Variants in MAP3K21 observed in about 807,000 individuals in gnomAD.
MAP3K21 encodes the protein mitogen-activated protein kinase kinase kinase MLK4.
In MAP3K21, 63 loss-of-function variants were observed where a neutral mutation model predicts 86.1. The ratio of observed to expected loss-of-function variants is 0.73; its 90% confidence interval spans 0.60 to 0.90. The LOEUF (loss-of-function observed/expected upper bound fraction) is 0.90. Ranked by LOEUF, MAP3K21 falls within the 40% of genes least tolerant of loss-of-function variation. The pLI is 0.00. For synonymous variants in MAP3K21, 558 were observed against 564.8 expected (o/e 0.99, Z 0.17); for missense variants, 1,220 against 1,367.7 (o/e 0.89, Z 1.70).
At chr1:233,371,552 G>A (rs1473849692) in intron 5 of MAP3K21, among the ~76,000 whole-genome samples, 3 of 152,078 alleles carry the variant, frequency 2.0e-5, no homozygotes, top group Admixed American at 1.3e-4. Context: ...TAGAGATGGG[G>A]TTTTGCCATG....
At chr1:233,368,580 G>A (rs1440332892) in intron 5 of MAP3K21, among the ~76,000 whole-genome samples, 2 of 151,920 alleles carry the variant, frequency 1.3e-5, no homozygotes, top group Admixed American at 6.6e-5. Context: ...GCTTGAGCCA[G>A]GGGAGGTCAA....
chr1:233,347,092 A>C (rs886133377), intron 2 of MAP3K21, among the ~76,000 whole-genome samples: 1 of 152,000 alleles, frequency 6.6e-6, no homozygotes, highest in East Asian at 1.9e-4. Flanking sequence ...GAGAGTGTCC[A>C]CTATGTTTCC....
intron 6 of MAP3K21, chr1:233,373,738 T>C (rs1226707677): frequency 6.6e-6 from 1 of 152,248 alleles, no homozygotes. Context: ...GATCCCCAAA[T>C]GCGGGACAGA....
intron 5 of MAP3K21, among the ~76,000 whole-genome samples, chr1:233,364,342 G>A (rs899655178): frequency 1.1e-4 from 17 of 152,164 alleles, no homozygotes; most frequent in South Asian, 1.0e-3. Context: ...AGGTGCACTA[G>A]ATGTGAGTTT....
rs1399208702 is a variant in MAP3K21, at chr1:233,383,146, A to C, written c.*435A>C. On this transcript the variant is annotated 3_prime_UTR_variant, in exon 10 of 10. Transcript: ENST00000366624. ...CTTGTTTCTTGTTTTTTTTTCTTGT[A>C]GTTTCTTTTCTTAATTGTCATTTTT... 8.4e-6 allele frequency: 1 copy of C among 119,746 alleles called. No homozygotes were observed. The highest frequency in any genetic ancestry group is 1.9e-5 in the Non-Finnish European group (1 of 52,970). The allele number at this position is 119,746 out of a possible 1,614,324, so 7.4% of individuals were successfully genotyped here.
chr1:233,382,484 C>T lies in MAP3K21; in HGVS notation c.2884C>T (p.Gln962Ter). ...SRSDLPQAYP[Q>*]TAVSQLAQTA... ...CTCAGATCTGCCTCAGGCTTACCCA[C>T]AGACAGCAGTGTCTCAGCTGGCACA... The change falls in exon 10 of 10, where the codon CAG becomes TAG. Residue 962 changes from glutamine (Q) to a stop codon, truncating the protein, a stop_gained. Coordinates refer to ENST00000366624, the MANE Select transcript of MAP3K21 (RefSeq NM_032435.3). LOFTEE classifies it low-confidence loss of function (END_TRUNC). 6.2e-7 allele frequency: 1 copy of T among 1,614,206 alleles called. No homozygotes were observed.
chr1:233,337,579 A>G (rs1572239025), intron 1 of MAP3K21, among the ~76,000 whole-genome samples: 2 of 152,122 alleles, frequency 1.3e-5, no homozygotes, highest in South Asian at 4.1e-4. Flanking sequence ...TTAATCAGGT[A>G]TTTGTTCATC....
chr1:233,348,748 T>C (rs984134110), intron 2 of MAP3K21, among the ~76,000 whole-genome samples: 1 of 152,094 alleles, frequency 6.6e-6, no homozygotes, highest in African/African-American at 2.4e-5. Flanking sequence ...TGTTATTACT[T>C]TTTTTTCCCT....
At position 233,327,952 on chromosome 1, in the gene MAP3K21, C is replaced by T; in HGVS notation, c.-77C>T. 2.5e-6 allele frequency: 3 copies of T among 1,181,516 alleles called. No homozygotes were observed. The highest frequency in any genetic ancestry group is 3.2e-6 in the Non-Finnish European group (3 of 944,312). 73.2% of individuals were successfully genotyped at this position (1,181,516 alleles called of 1,614,324 possible). On this transcript the variant is annotated 5_prime_UTR_variant, in exon 1 of 10. Transcript: ENST00000366624. ...TCCCCCGGCGCCGACGGCCACACCG[C>T]CGGACGATGCGCGCCCGCGGCCGCC...
Position 233,366,847 on chromosome 1 carries a change from A to AT in MAP3K21, c.1552+4563dup, listed in dbSNP as rs145252146. 3.1e-4 allele frequency among the ~76,000 whole-genome samples: 47 copies of AT among 151,786 alleles called. 1 individual carries two copies. Among genetic ancestry groups the AT allele is most frequent in the Middle Eastern group, 3.4e-3 (1 of 292 alleles). Reference sequence around the variant, plus strand: ...TTTAGTGATAGAAACCTCAAAAGTGATTTTTTTTTCCTCCTGGAATTTCTT... The same window carrying AT: ...TTTAGTGATAGAAACCTCAAAAGTGATTTTTTTTTTCCTCCTGGAATTTCTT... On this transcript the variant is annotated intron_variant, in intron 5 of 9. Transcript: ENST00000366624.
intron 6 of MAP3K21, among the ~76,000 whole-genome samples, chr1:233,375,404 A>C (rs904467635): frequency 4.6e-5 from 7 of 152,254 alleles, no homozygotes; most frequent in African/African-American, 1.7e-4. Flanking sequence ...ACCGTAACCA[A>C]AGTGTTGTCA....
At chr1:233,340,641 A>G (rs995852161) in intron 1 of MAP3K21, among the ~76,000 whole-genome samples, 14 of 152,178 alleles carry the variant, frequency 9.2e-5, no homozygotes, top group Admixed American at 3.9e-4. Context: ...AACTGGTGCC[A>G]CTAGGAAATG....
chr1:233,359,566 A>G (rs1663428266), intron 4 of MAP3K21, among the ~76,000 whole-genome samples: 1 of 152,180 alleles, frequency 6.6e-6, no homozygotes, highest in South Asian at 2.1e-4. Context: ...TGTGTTATTC[A>G]GTAAGCCGTA....
At position 233,382,316 on chromosome 1, in the gene MAP3K21, A is replaced by G; in HGVS notation, c.2716A>G (p.Ile906Val). 6.2e-7 allele frequency: 1 copy of G among 1,611,446 alleles called. No homozygotes were observed. ...GCTTTCTCAACCAGCTGGTGCAACT[A>G]TTATCTCAGCCACTGGAGCCTCTGC... ...DGNPTPTGAT[I>V]ISATGASALP... Residue 906 changes from isoleucine (I) to valine (V), a missense_variant, in exon 10 of 10, where the codon ATT (isoleucine) becomes GTT (valine). Around this residue, in one of 5 missense-constraint regions of MAP3K21, gnomAD observed 632 missense variants for 691.3 expected, o/e 0.91. Transcript: ENST00000366624.
intron 1 of MAP3K21, among the ~76,000 whole-genome samples, chr1:233,338,691 T>C (rs1290840523): frequency 6.6e-6 from 1 of 152,094 alleles, no homozygotes; most frequent in Non-Finnish European, 1.5e-5. Context: ...AAAGTGAAGG[T>C]GGGCAGAACA....
chr1:233,353,209 A>C (rs73094919), intron 2 of MAP3K21, among the ~76,000 whole-genome samples: 2,154 of 152,300 alleles, frequency 0.014, 49 homozygotes, highest in African/African-American at 0.049. Context: ...TCCTGCCAGC[A>C]GGTGTAAGGG....
At chr1:233,332,895 G>T (rs777449850) in intron 1 of MAP3K21, among the ~76,000 whole-genome samples, 12 of 151,834 alleles carry the variant, frequency 7.9e-5, no homozygotes, top group Non-Finnish European at 1.5e-4. Flanking sequence ...ACAAATTATG[G>T]TAGCTACTTA....
At chr1:233,349,883 G>T (rs1158755957) in intron 2 of MAP3K21, among the ~76,000 whole-genome samples, 1 of 151,920 alleles carries the variant, frequency 6.6e-6, no homozygotes, top group Non-Finnish European at 1.5e-5. Flanking sequence ...GTTGCAGGGA[G>T]CCGAGATCAT....
Position 233,328,189 on chromosome 1 carries a change from A to T in MAP3K21, c.161A>T (p.Glu54Val), listed in dbSNP as rs1226140054. The change falls in exon 1 of 10, where the codon GAG becomes GTG. Residue 54 changes from glutamate to valine, a missense_variant. This residue lies in a region of MAP3K21 where 369 missense variants were observed against 385.3 expected (regional missense o/e 0.96). Coordinates refer to ENST00000366624, the MANE Select transcript of MAP3K21 (RefSeq NM_032435.3). This position sits in a 1 kb window ranked among gnomAD's most constrained non-coding sequence, Gnocchi z 8.7. ...AALYDYEARG[E>V]DELSLRRGQL... ...CTCTATGACTACGAGGCTCGCGGCG[A>T]GGACGAGCTGAGCCTGCGGCGCGGC... 6.7e-7 allele frequency: 1 copy of T among 1,481,558 alleles called. No individual in the cohort carries two copies. Among genetic ancestry groups the T allele is most frequent in the Non-Finnish European group, 8.9e-7 (1 of 1,123,910 alleles). The allele number at this position is 1,481,558 out of a possible 1,614,324, so 91.8% of individuals were successfully genotyped here. A position where few individuals can be genotyped will look rare whatever the true frequency, so the allele number is the denominator to read the frequency against.
Sources: allele counts gnomAD v4.1 joint callset (sites outside exome capture counted in the v4.1 genomes callset), GRCh38; gene constraint gnomAD v4.1.1; regional missense constraint gnomAD v4.1.1; non-coding constraint Gnocchi (gnomAD v3.1); transcripts MANE v1.5; gene names NCBI Gene and HGNC (gene_info 2026-07-23, HGNC 2026-07-21).